The following KCNIP4 variants were observed in gnomAD, a reference collection of about 807,000 sequenced individuals.
The protein encoded by KCNIP4 is Kv channel-interacting protein 4.
Under a neutral mutation model 34.0 loss-of-function variants are expected in KCNIP4, and 12 were observed. The ratio of observed to expected loss-of-function variants is 0.35; its 90% CI spans 0.23 to 0.57. KCNIP4 has a LOEUF of 0.57. KCNIP4 is among the 20% of genes least tolerant of loss of function. The pLI is 0.83. For synonymous variants in KCNIP4, 124 were observed against 102.2 expected, an observed-to-expected ratio of 1.21 and a Z score of -1.29; for missense variants, 238 against 311.7, an observed-to-expected ratio of 0.76 and a Z score of 1.78.
intron 1 of KCNIP4, among the ~76,000 whole-genome samples, chr4:21,560,359 A>G (rs993752543): frequency 1.3e-5 from 2 of 152,110 alleles, no homozygotes; most frequent in Non-Finnish European, 2.9e-5. Flanking sequence ...TGTTTTTGCA[A>G]TTGAGCCTTA....
chr4:21,629,341 A>C (rs1415645510), intron 1 of KCNIP4, among the ~76,000 whole-genome samples: 1 of 152,192 alleles, frequency 6.6e-6, no homozygotes, highest in Non-Finnish European at 1.5e-5. Context: ...ACTGAAGCTA[A>C]TGTACAAGAA....
intron 1 of KCNIP4, among the ~76,000 whole-genome samples, chr4:21,717,625 A>C (rs1298290957): frequency 6.6e-6 from 1 of 152,178 alleles, no homozygotes; most frequent in African/African-American, 2.4e-5. Context: ...AAGAGCAAAC[A>C]GCTATCAGTT....
chr4:21,145,016 A>G (rs754379859), intron 1 of KCNIP4, among the ~76,000 whole-genome samples: 19 of 152,154 alleles, frequency 1.2e-4, no homozygotes, highest in Non-Finnish European at 2.4e-4. Flanking sequence ...AAAATGAAAC[A>G]TTTATTCAGA....
At chr4:21,307,232 GC>G (rs1401199545) in intron 1 of KCNIP4, among the ~76,000 whole-genome samples, 1 of 151,296 alleles carries the variant, frequency 6.6e-6, no homozygotes, top group East Asian at 1.9e-4. Flanking sequence ...TCATCCCAAG[GC>G]CTGAGGGTTT....
chr4:21,868,217 G>C (rs1213565693), intron 1 of KCNIP4, among the ~76,000 whole-genome samples: 1 of 152,054 alleles, frequency 6.6e-6, no homozygotes, highest in Non-Finnish European at 1.5e-5. Context: ...AAATAGCATA[G>C]ATATTTTATT....
intron 1 of KCNIP4, among the ~76,000 whole-genome samples, chr4:21,223,101 G>C (rs1758099027): frequency 6.6e-6 from 1 of 152,174 alleles, no homozygotes; most frequent in South Asian, 2.1e-4. Context: ...ACTATCTCAA[G>C]ATGAGGAAAT....
intron 1 of KCNIP4, among the ~76,000 whole-genome samples, chr4:21,454,041 A>T (rs1460085009): frequency 6.6e-6 from 1 of 151,942 alleles, no homozygotes; most frequent in Admixed American, 6.6e-5. Flanking sequence ...ACACTCAAAA[A>T]CATTAACTAC....
rs200741886 is a variant in KCNIP4, at chr4:21,234,451, T to G, written c.62-351742A>C. On this transcript the variant is annotated intron_variant, in intron 1 of 8. Coordinates refer to ENST00000382152, the MANE Select transcript of KCNIP4 (RefSeq NM_025221.6). ...TTACATATAACGTATATAATATATA[T>G]TACATATAACGTATATAATATATAG... Among the ~76,000 whole-genome samples the G allele has an allele frequency of 6.6e-4, 69 of 103,942 alleles. 3 individuals carry two copies. Among genetic ancestry groups the G allele is most frequent in the East Asian group, 3.2e-3 (11 of 3,452 alleles). The allele number at this position is 103,942 out of a possible 152,430, so 68.2% of individuals were successfully genotyped here.
chr4:21,661,050 C>A (rs887592426), intron 1 of KCNIP4, among the ~76,000 whole-genome samples: 4 of 152,066 alleles, frequency 2.6e-5, no homozygotes, highest in Non-Finnish European at 4.4e-5. Context: ...ATAGGCAGAG[C>A]AGCAGAGCAG....
chr4:20,938,120 C>T (rs1051244864), intron 1 of KCNIP4, among the ~76,000 whole-genome samples: 8 of 151,916 alleles, frequency 5.3e-5, no homozygotes, highest in African/African-American at 1.9e-4. Context: ...ATGAAACTGT[C>T]ACTTTGAATG....
rs182474358 is a variant in KCNIP4 at position 21,277,633 on chromosome 4, A to T, written c.62-394924T>A. 2.9e-3 allele frequency among the ~76,000 whole-genome samples: 441 copies of T among 152,344 alleles called. 5 individuals are homozygous for T. Among genetic ancestry groups the T allele is most frequent in the African/African-American group, 9.8e-3 (409 of 41,594 alleles). On this transcript the variant is annotated intron_variant, in intron 1 of 8. Coordinates refer to ENST00000382152, the MANE Select transcript of KCNIP4 (RefSeq NM_025221.6). ...AAGAAATACGTTTTAGAAGTGCTGC[A>T]AAGTCAGAGGTAAACAATTAGAAAA...
chr4:21,860,138 T>C (rs1156325090), intron 1 of KCNIP4, among the ~76,000 whole-genome samples: 7 of 152,204 alleles, frequency 4.6e-5, no homozygotes, highest in African/African-American at 1.4e-4. Context: ...ATTTTTGTTT[T>C]GTTTTGTTTT....
At chr4:21,548,351 T>A (rs1167152560) in intron 1 of KCNIP4, among the ~76,000 whole-genome samples, 1 of 152,098 alleles carries the variant, frequency 6.6e-6, no homozygotes, top group Non-Finnish European at 1.5e-5. Context: ...GTCAGAACTG[T>A]CTCTTTGCAT....
intron 1 of KCNIP4, among the ~76,000 whole-genome samples, chr4:21,829,229 T>G (rs1430568885): frequency 1.3e-5 from 2 of 152,092 alleles, no homozygotes; most frequent in Middle Eastern, 6.8e-3. Context: ...CTATTTATGA[T>G]AGAGTTACAT....
In KCNIP4 at chr4:20,963,853, T is replaced by G. The variant is rs73805240; in HGVS notation, c.62-81144A>C. Reference sequence around the variant, plus strand: ...AGAGGGGCAAGTTGATTCTCTACTCTCTGTTTAACAGCTCTTTGAGCTTTG... The same window carrying G: ...AGAGGGGCAAGTTGATTCTCTACTCGCTGTTTAACAGCTCTTTGAGCTTTG... On this transcript the variant is annotated intron_variant, in intron 1 of 8. Transcript: ENST00000382152. 5.5e-3 allele frequency among the ~76,000 whole-genome samples: 832 copies of G among 152,178 alleles called. 9 individuals carry two copies. Among genetic ancestry groups the G allele is most frequent in the African/African-American group, 0.019 (774 of 41,528 alleles).
chr4:21,175,501 C>T (rs773781297), intron 1 of KCNIP4, among the ~76,000 whole-genome samples: 3 of 152,134 alleles, frequency 2.0e-5, no homozygotes, highest in Admixed American at 6.5e-5. Flanking sequence ...CTTCAGCATA[C>T]GATTTTTTTC....
intron 1 of KCNIP4, among the ~76,000 whole-genome samples, chr4:21,715,208 G>T (rs1714262484): frequency 6.6e-6 from 1 of 151,324 alleles, no homozygotes; most frequent in African/African-American, 2.4e-5. Context: ...ATCTTCCCAA[G>T]TACCTGGGAC....
chr4:20,775,613 G>T (rs1356487265), intron 3 of KCNIP4, among the ~76,000 whole-genome samples: 2 of 152,062 alleles, frequency 1.3e-5, no homozygotes, highest in Non-Finnish European at 2.9e-5. Context: ...GGAGGCTGAG[G>T]TGGGAGGATT....
At chr4:21,665,521 C>T (rs111741100) in intron 1 of KCNIP4, among the ~76,000 whole-genome samples, 2 of 149,642 alleles carry the variant, frequency 1.3e-5, no homozygotes, top group African/African-American at 2.5e-5. Context: ...ACCCCCCCCC[C>T]CTCATTTTAT....
Sources: gnomAD v4.1 joint callset for allele counts (sites outside exome capture counted in the v4.1 genomes callset) on GRCh38, gnomAD v4.1.1 for gene constraint, MANE v1.5 for transcripts, NCBI Gene and HGNC (gene_info 2026-07-23, HGNC 2026-07-21) for gene names.